Variants in DZANK1 observed in about 807,000 individuals in gnomAD.
DZANK1 encodes the protein double zinc ribbon and ankyrin repeat domains 1.
A neutral mutation model predicts 94.5 loss-of-function variants in DZANK1; 91 were observed. The observed-to-expected ratio is 0.96, with a 90% CI of 0.81 to 1.15. The LOEUF is 1.15. Ranked by LOEUF, DZANK1 falls within the 50% of genes most tolerant of loss-of-function variation. The pLI, the probability that DZANK1 is intolerant of heterozygous loss-of-function variation, is 0.00. For synonymous variants in DZANK1, 312 were observed against 325.3 expected, an observed-to-expected ratio of 0.96 and a Z score of 0.44; for missense variants, 903 against 916.4, an observed-to-expected ratio of 0.99 and a Z score of 0.19.
chr20:18,403,366 C>T (rs1427961818), intron 13 of DZANK1, among the ~76,000 whole-genome samples: 3 of 152,146 alleles, frequency 2.0e-5, no homozygotes, highest in Admixed American at 1.3e-4. Flanking sequence ...AGCAATGGTG[C>T]CACATTGAAA....
intron 6 of DZANK1, among the ~76,000 whole-genome samples, chr20:18,449,313 C>T (rs893373860): frequency 7.9e-5 from 12 of 152,022 alleles, no homozygotes; most frequent in Non-Finnish European, 1.8e-4. Flanking sequence ...GCCCAAACCT[C>T]ACCATTATAC....
At chr20:18,423,664 A>G (rs1427365586) in intron 10 of DZANK1, among the ~76,000 whole-genome samples, 1 of 152,228 alleles carries the variant, frequency 6.6e-6, no homozygotes, top group Non-Finnish European at 1.5e-5. Context: ...CCTCAATAAG[A>G]GTAAGATAAG....
intron 7 of DZANK1, among the ~76,000 whole-genome samples, chr20:18,444,186 G>A (rs555701573): frequency 2.4e-4 from 36 of 152,186 alleles, no homozygotes; most frequent in African/African-American, 8.4e-4. Context: ...GGATTGTCTC[G>A]TTGCCCACAC....
At chr20:18,394,934 T>C (rs906214236) in intron 15 of DZANK1, 7 of 455,010 alleles carry the variant, frequency 1.5e-5, no homozygotes, top group Non-Finnish European at 3.1e-5. Context: ...GGCGTCTACA[T>C]AATGAGGCCA....
intron 10 of DZANK1, among the ~76,000 whole-genome samples, chr20:18,422,191 T>G (rs907215765): frequency 4.6e-5 from 7 of 152,250 alleles, no homozygotes; most frequent in Non-Finnish European, 8.8e-5. Context: ...GTTTTTCAGT[T>G]TAATCCATTT....
At chr20:18,443,690 G>A (rs963685304) in intron 7 of DZANK1, among the ~76,000 whole-genome samples, 2 of 152,136 alleles carry the variant, frequency 1.3e-5, no homozygotes, top group African/African-American at 4.8e-5. Context: ...TTCTGCGTAG[G>A]CCAAGTCCAT....
At chr20:18,434,104 A>G (rs952149371) in intron 8 of DZANK1, among the ~76,000 whole-genome samples, 13 of 152,200 alleles carry the variant, frequency 8.5e-5, no homozygotes, top group Non-Finnish European at 5.9e-5. Flanking sequence ...TAGAAAATAA[A>G]ATAACAATTA....
chr20:18,459,777 T>C (rs989900073), intron 3 of DZANK1, among the ~76,000 whole-genome samples: 1 of 152,282 alleles, frequency 6.6e-6, no homozygotes, highest in Non-Finnish European at 1.5e-5. Context: ...GCGGTGGTTG[T>C]AGGCTGCATC....
At chr20:18,419,293 G>A (rs913784146) in intron 10 of DZANK1, among the ~76,000 whole-genome samples, 2 of 151,456 alleles carry the variant, frequency 1.3e-5, no homozygotes, top group Non-Finnish European at 1.5e-5. Flanking sequence ...CAGAACCTCA[G>A]GGACTTATTA....
chr20:18,384,609 C>T, intron 20 of DZANK1, 45 bp from the exon 21 acceptor site: 1 of 1,528,866 alleles, frequency 6.5e-7, no homozygotes, highest in South Asian at 1.3e-5. Flanking sequence ...AGGACTTGAA[C>T]ATGTGACCCT....
chr20:18,386,342 T>C (rs903581297), intron 19 of DZANK1, among the ~76,000 whole-genome samples: 4 of 152,062 alleles, frequency 2.6e-5, no homozygotes, highest in African/African-American at 7.2e-5. Context: ...CAAACTCCAT[T>C]CTCAAATGTG....
rs955379005 is a variant in DZANK1 at position 18,455,225 on chromosome 20, G to A, written c.378+22C>T. On this transcript the variant is annotated intron_variant, in intron 4 of 20. Transcript: ENST00000262547. ...ACCAAAATACAGTGACAATCTGAAT[G>A]GATTATAGTTTCATTACTTGCCTGC... 7 of 1,550,462 alleles carry A rather than the reference G, an allele frequency of 4.5e-6. No individual in the cohort carries two copies. In the African/African-American group the frequency reaches 6.8e-5, roughly 15 times the overall value.
Position 18,436,361 on chromosome 20 carries a change from G to A in DZANK1, c.748-2596C>T, listed in dbSNP as rs928852901. ...TGGGAGGCTGAGGCAGGAGAATGGC[G>A]TGAACCCGGGAGGCGGAGCTTGCAG... On this transcript the variant is annotated intron_variant, in intron 8 of 20. Transcript: ENST00000262547. Among the ~76,000 whole-genome samples the A allele has an allele frequency of 8.6e-5, 13 of 150,766 alleles. 1 individual carries two copies. The highest frequency in any genetic ancestry group is 2.4e-4 in the African/African-American group (10 of 41,000).
rs768859094 is a variant in DZANK1, at chr20:18,384,442, T to C, written c.2216A>G (p.Asp739Gly). ...GAGGCTCCTAGTTTGAGCGAGTTGG[T>C]CCTCAAGCCCTTGGCCAAACTTGGC... Residue 739 changes from aspartate (D) to glycine (G), a missense_variant, in exon 21 of 21, where the codon GAC (aspartate) becomes GGC (glycine). Coordinates refer to ENST00000262547, the Ensembl canonical transcript of DZANK1. 8.7e-6 allele frequency: 14 copies of C among 1,611,856 alleles called. No individual in the cohort carries two copies. The East Asian group carries it at 2.9e-4, about 33-fold the overall frequency.
intron 10 of DZANK1, among the ~76,000 whole-genome samples, chr20:18,417,044 A>AAAAAG (rs2057529579): frequency 1.3e-5 from 2 of 151,594 alleles, no homozygotes; most frequent in Non-Finnish European, 2.9e-5. Context: ...CAAAAAAAAA[A>AAAAAG]AAGAAGAGAA....
At chr20:18,419,054 G>T (rs2057636593) in intron 10 of DZANK1, among the ~76,000 whole-genome samples, 1 of 152,162 alleles carries the variant, frequency 6.6e-6, no homozygotes, top group African/African-American at 2.4e-5. Context: ...TTGAGGTCAG[G>T]AGTATGAAAC....
At chr20:18,397,354 C>T (rs889608661) in intron 14 of DZANK1, among the ~76,000 whole-genome samples, 11 of 152,136 alleles carry the variant, frequency 7.2e-5, no homozygotes, top group Non-Finnish European at 1.5e-4. Context: ...TCTAGTCTTG[C>T]GACAAACAGA....
intron 13 of DZANK1, among the ~76,000 whole-genome samples, chr20:18,402,176 G>A (rs2056718164): frequency 6.6e-6 from 1 of 152,150 alleles, no homozygotes; most frequent in Non-Finnish European, 1.5e-5. Context: ...GAGCAGGGCA[G>A]GAAAGGCTCC....
At chr20:18,396,158 T>C (rs2056328929) in intron 15 of DZANK1, among the ~76,000 whole-genome samples, 1 of 152,202 alleles carries the variant, frequency 6.6e-6, no homozygotes, top group South Asian at 2.1e-4. Context: ...GAAGAAAATA[T>C]GTCAAAGGGC....
Sources: allele counts gnomAD v4.1 joint callset (sites outside exome capture counted in the v4.1 genomes callset), GRCh38; gene constraint gnomAD v4.1.1; transcripts MANE v1.5; gene names NCBI Gene and HGNC (gene_info 2026-07-23, HGNC 2026-07-21).